SLC16A1: variants seen among roughly 807,000 people sequenced by gnomAD.
SLC16A1 encodes solute carrier family 16 member 1, also known as monocarboxylate transporter 1.
A neutral mutation model predicts 32.2 loss-of-function variants in SLC16A1; 11 were observed. That is an observed-to-expected ratio of 0.34 (90% CI 0.21 to 0.56). The LOEUF (loss-of-function observed/expected upper bound fraction) is 0.56, where lower values mean the gene tolerates loss of function less well. SLC16A1 is among the 20% of genes least tolerant of loss of function. The pLI is 0.87. For missense variants in SLC16A1, 435 were observed against 615.0 expected (o/e 0.71, Z 3.10); for synonymous variants, 231 against 226.8 (o/e 1.02, Z -0.17).
chr1:112,915,558 C>G (rs1648472733), intron 4 of SLC16A1, among the ~76,000 whole-genome samples: 2 of 152,258 alleles, frequency 1.3e-5, no homozygotes, highest in East Asian at 3.9e-4. Context: ...TTTAAGAAAT[C>G]TTGAAGAGTT....
intron 3 of SLC16A1, among the ~76,000 whole-genome samples, chr1:112,919,772 C>T (rs1570621834): frequency 6.6e-6 from 1 of 152,234 alleles, no homozygotes; most frequent in Non-Finnish European, 1.5e-5. Flanking sequence ...GTCTATGATC[C>T]CTTACATTTT....
intron 1 of SLC16A1, among the ~76,000 whole-genome samples, chr1:112,937,228 C>G (rs945712741): frequency 1.3e-5 from 2 of 152,148 alleles, no homozygotes; most frequent in African/African-American, 2.4e-5. Context: ...ACGTGCTGGA[C>G]GTGATTAAAC....
intron 1 of SLC16A1, among the ~76,000 whole-genome samples, chr1:112,952,139 G>C (rs1217388899): frequency 6.6e-6 from 1 of 152,078 alleles, no homozygotes; most frequent in East Asian, 1.9e-4. Flanking sequence ...CAATTTACAA[G>C]AAATACAAAG....
intron 2 of SLC16A1, among the ~76,000 whole-genome samples, chr1:112,924,926 G>T (rs1188104066): frequency 2.0e-5 from 3 of 152,040 alleles, no homozygotes; most frequent in Non-Finnish European, 4.4e-5. Flanking sequence ...GAATTACTTG[G>T]TTCCATGCCT....
chr1:112,923,261 G>GTGAGCCGAGAT (rs11273193), intron 2 of SLC16A1, among the ~76,000 whole-genome samples: 119,926 of 151,728 alleles, frequency 0.79, 47,948 homozygotes, highest in African/African-American at 0.91. Context: ...GGAGGTTGCG[G>GTGAGCCGAGAT]TGAGCCATTG....
Position 112,929,653 on chromosome 1 carries a change from C to G in SLC16A1, c.-44-301G>C, listed in dbSNP as rs113452811. On this transcript the variant is annotated intron_variant, in intron 1 of 4. Transcript: ENST00000369626. ...TTGTACTCAGGAGTTTGAGACCACCCTGGGCAACATAAGTAGACCCCAACT... is the reference window on the plus strand; with the variant it reads ...TTGTACTCAGGAGTTTGAGACCACCGTGGGCAACATAAGTAGACCCCAACT... Among the ~76,000 whole-genome samples the G allele has an allele frequency of 6.6e-3, 1,002 of 152,128 alleles. 12 individuals are homozygous for G. Among genetic ancestry groups the G allele is most frequent in the African/African-American group, 0.023 (955 of 41,514 alleles).
intron 1 of SLC16A1, among the ~76,000 whole-genome samples, chr1:112,948,257 C>T (rs956256177): frequency 6.6e-6 from 1 of 151,934 alleles, no homozygotes; most frequent in Non-Finnish European, 1.5e-5. Context: ...GAGAAAAGTT[C>T]ATGTGATCTG....
intron 1 of SLC16A1, among the ~76,000 whole-genome samples, chr1:112,953,153 C>CATT (rs1649956949): frequency 7.7e-6 from 1 of 130,196 alleles, no homozygotes; most frequent in African/African-American, 2.8e-5. Flanking sequence ...ACTGAAAATC[C>CATT]TTTTTTTTTT....
chr1:112,943,565 A>C (rs1043439077), intron 1 of SLC16A1, among the ~76,000 whole-genome samples: 1 of 152,002 alleles, frequency 6.6e-6, no homozygotes, highest in East Asian at 1.9e-4. Flanking sequence ...AGGCGGGTGG[A>C]TCACCTGAGG....
intron 1 of SLC16A1, among the ~76,000 whole-genome samples, chr1:112,945,908 C>T (rs1308510660): frequency 6.6e-6 from 1 of 152,014 alleles, no homozygotes; most frequent in African/African-American, 2.4e-5. Flanking sequence ...AGGAGAATCA[C>T]GTGAACCCAG....
At chr1:112,932,026 C>T (rs1382071097) in intron 1 of SLC16A1, among the ~76,000 whole-genome samples, 2 of 152,190 alleles carry the variant, frequency 1.3e-5, no homozygotes, top group African/African-American at 4.8e-5. Flanking sequence ...TATTAGCACT[C>T]AACTCCAAAA....
At chr1:112,945,663 A>G (rs969311537) in intron 1 of SLC16A1, among the ~76,000 whole-genome samples, 4 of 146,258 alleles carry the variant, frequency 2.7e-5, no homozygotes, top group African/African-American at 1.0e-4. Context: ...CGATGGAGCA[A>G]GACTCGGCCT....
intron 3 of SLC16A1, among the ~76,000 whole-genome samples, chr1:112,918,626 C>T (rs1182553182): frequency 6.6e-6 from 1 of 152,114 alleles, no homozygotes; most frequent in Non-Finnish European, 1.5e-5. Context: ...CATAGCAAGA[C>T]CTGTCTCTAC....
Position 112,929,267 on chromosome 1 carries a change from T to C in SLC16A1, c.42A>G (p.Pro14=). 1 of 1,613,972 alleles carries C rather than the reference T, an allele frequency of 6.2e-7. No homozygotes were observed. The highest frequency in any genetic ancestry group is 8.5e-7 in the Non-Finnish European group (1 of 1,179,982). Residue 14 remains proline (P), a synonymous_variant, in exon 2 of 5, where the codon CCA becomes CCG. Transcript: ENST00000369626. ...CCACTGCCCAGCCCCAGCCTCCATC[T>C]GGGGGGGTGTATCCAACTGGACCTC... ...AVGGPVGYTP[P]DGGWGWAVVI...
chr1:112,919,765 T>C (rs1648651873), intron 3 of SLC16A1, among the ~76,000 whole-genome samples: 1 of 152,234 alleles, frequency 6.6e-6, no homozygotes, highest in South Asian at 2.1e-4. Flanking sequence ...CTCTACGGTC[T>C]ATGATCCCTT....
intron 1 of SLC16A1, among the ~76,000 whole-genome samples, chr1:112,951,393 G>A (rs1245569319): frequency 6.6e-6 from 1 of 152,160 alleles, no homozygotes; most frequent in African/African-American, 2.4e-5. Context: ...AAAAAAACTA[G>A]GTTTGGAGGA....
At position 112,955,901 on chromosome 1, in the gene SLC16A1, G is replaced by C. The variant is rs975981403; in HGVS notation, c.-45+134C>G. ...AGGCCACGCGGCTGCCTGTGACCACGATGCCCTCTGCTGGGCCGCCTCCCT... is the reference window on the plus strand; with the variant it reads ...AGGCCACGCGGCTGCCTGTGACCACCATGCCCTCTGCTGGGCCGCCTCCCT... On this transcript the variant is annotated intron_variant, in intron 1 of 4. Transcript: ENST00000369626. 2.0e-5 allele frequency: 3 copies of C among 152,314 alleles called. No homozygotes were observed. In the East Asian group the frequency reaches 5.8e-4, roughly 30 times the overall value. 9.4% of individuals were successfully genotyped at this position (152,314 alleles called of 1,614,324 possible). A position where few individuals can be genotyped will look rare whatever the true frequency, so the allele number is the denominator to read the frequency against.
intron 1 of SLC16A1, among the ~76,000 whole-genome samples, chr1:112,940,855 ACTTTC>A (rs1480565819): frequency 1.3e-5 from 2 of 152,206 alleles, no homozygotes; most frequent in Non-Finnish European, 2.9e-5. Flanking sequence ...ATAATAATTC[ACTTTC>A]CTTTACGAGT....
intron 2 of SLC16A1, among the ~76,000 whole-genome samples, chr1:112,928,184 T>C (rs1244355895): frequency 6.6e-6 from 1 of 152,222 alleles, no homozygotes; most frequent in Non-Finnish European, 1.5e-5. Flanking sequence ...TCACCCAGTT[T>C]CTCTTTCTCC....
Sources: gnomAD v4.1 joint callset for allele counts (sites outside exome capture counted in the v4.1 genomes callset) on GRCh38, gnomAD v4.1.1 for gene constraint, MANE v1.5 for transcripts, NCBI Gene and HGNC (gene_info 2026-07-23, HGNC 2026-07-21) for gene names.